HTR4: variants seen among roughly 807,000 people sequenced by gnomAD.
HTR4 encodes 5-hydroxytryptamine receptor 4.
A neutral mutation model predicts 36.8 loss-of-function variants in HTR4; 16 were observed. That is an observed-to-expected ratio of 0.43 (90% CI 0.29 to 0.66). HTR4 has a LOEUF of 0.66. Ranked by LOEUF, HTR4 falls within the 30% of genes least tolerant of loss-of-function variation. The pLI is 0.13. For missense variants in HTR4, 438 were observed against 490.9 expected, an observed-to-expected ratio of 0.89 and a Z score of 1.02; for synonymous variants, 189 against 185.1, an observed-to-expected ratio of 1.02 and a Z score of -0.17.
intron 2 of HTR4, among the ~76,000 whole-genome samples, chr5:148,626,756 T>A (rs1259336925): frequency 6.6e-6 from 1 of 152,134 alleles, no homozygotes; most frequent in Non-Finnish European, 1.5e-5. Flanking sequence ...TGGAGAGAGG[T>A]TTACCTTTTG....
chr5:148,646,486 A>G (rs976798079), intron 1 of HTR4: 3 of 152,240 alleles, frequency 2.0e-5, no homozygotes, highest in Non-Finnish European at 4.4e-5. Context: ...CTCAAAAGAC[A>G]TAGGCTATTT....
At chr5:148,595,498 C>T (rs573054640) in intron 2 of HTR4, among the ~76,000 whole-genome samples, 1 of 152,134 alleles carries the variant, frequency 6.6e-6, no homozygotes, top group Non-Finnish European at 1.5e-5. Context: ...GGACACAGGA[C>T]ACATCTACCC....
intron 5 of HTR4, among the ~76,000 whole-genome samples, chr5:148,519,747 CTT>C (rs1561592840): frequency 6.6e-6 from 1 of 152,116 alleles, no homozygotes; most frequent in Non-Finnish European, 1.5e-5. Context: ...GCTCTATCAT[CTT>C]GTTTCACTTC....
intron 5 of HTR4, among the ~76,000 whole-genome samples, chr5:148,457,451 A>G (rs985395052): frequency 6.6e-6 from 1 of 151,644 alleles, no homozygotes; most frequent in African/African-American, 2.4e-5. Flanking sequence ...CACTTAGAGC[A>G]GCCTGGATGT....
At chr5:148,478,486 G>T (rs951089044), downstream of HTR4, among the ~76,000 whole-genome samples, 1 of 152,160 alleles carries the variant, frequency 6.6e-6, no homozygotes, top group African/African-American at 2.4e-5. Flanking sequence ...ACGGGGAGGT[G>T]TGATTCTGAG....
intron 4 of HTR4, among the ~76,000 whole-genome samples, chr5:148,543,496 A>AT (rs1759222474): frequency 6.6e-6 from 1 of 152,198 alleles, no homozygotes; most frequent in Non-Finnish European, 1.5e-5. Context: ...TGGTAAAAAC[A>AT]TTACATTCAG....
chr5:148,629,923 G>A (rs1753262193), intron 2 of HTR4: 1 of 152,150 alleles, frequency 6.6e-6, no homozygotes, highest in African/African-American at 2.4e-5. Context: ...TTCAGGTTAT[G>A]TTTTCCAAAT....
intron 2 of HTR4, among the ~76,000 whole-genome samples, chr5:148,609,581 G>T (rs1419195008): frequency 7.7e-5 from 11 of 143,332 alleles, no homozygotes; most frequent in Admixed American, 1.4e-4. Context: ...ATTTTTAAGG[G>T]TTTTTTTTTT....
At chr5:148,624,811 A>T (rs934621556) in intron 2 of HTR4, among the ~76,000 whole-genome samples, 1 of 152,188 alleles carries the variant, frequency 6.6e-6, no homozygotes, top group African/African-American at 2.4e-5. Context: ...TGGGCCTTCA[A>T]TGATGTGGAG....
chr5:148,582,424 T>A (rs553237369), intron 2 of HTR4, among the ~76,000 whole-genome samples: 3 of 149,956 alleles, frequency 2.0e-5, no homozygotes, highest in Middle Eastern at 3.4e-3. Flanking sequence ...TACCCAATAG[T>A]TAGTTTTTCA....
intron 2 of HTR4, among the ~76,000 whole-genome samples, chr5:148,605,159 G>A (rs1349307003): frequency 6.6e-6 from 1 of 152,014 alleles, no homozygotes; most frequent in Non-Finnish European, 1.5e-5. Context: ...ACTGTGGCCG[G>A]GACATTCCCC....
chr5:148,466,036 A>C (rs1407677778), intron 5 of HTR4: 6 of 1,528,282 alleles, frequency 3.9e-6, no homozygotes, highest in Non-Finnish European at 5.3e-6. Flanking sequence ...TCTCAGCCTA[A>C]ATAAGCTTGC....
At chr5:148,490,740 T>A in intron 6 of HTR4, 1 of 1,272,226 alleles carries the variant, frequency 7.9e-7, no homozygotes, top group South Asian at 1.3e-5. Context: ...GGCAATCCAT[T>A]CCATTTTGTG....
intron 2 of HTR4, among the ~76,000 whole-genome samples, chr5:148,610,346 C>A (rs1371425777): frequency 6.6e-6 from 1 of 152,184 alleles, no homozygotes; most frequent in Non-Finnish European, 1.5e-5. Flanking sequence ...GGGCAGACTG[C>A]CTCCTCAAGT....
rs201533186 is a variant in HTR4, at chr5:148,483,281, C to T, written c.1089G>A (p.Glu363=). 3 of 1,613,450 alleles carry T rather than the reference C, an allele frequency of 1.9e-6. No individual in the cohort carries two copies. Among genetic ancestry groups the T allele is most frequent in the Admixed American group, 3.3e-5 (2 of 59,986 alleles). ...ACTGACTCTCCCACTGGCCACCACACTCCACTGCATCCCTAGAGAGAGGAG... is the reference window on the plus strand; with the variant it reads ...ACTGACTCTCCCACTGGCCACCACATTCCACTGCATCCCTAGAGAGAGGAG... ...GSTHVLRDAV[E]CGGQWESQCH... The change falls in exon 7 of 7, where the codon GAG becomes GAA. Residue 363 remains glutamate (E), a synonymous_variant. Transcript: ENST00000377888.
intron 5 of HTR4, among the ~76,000 whole-genome samples, chr5:148,516,606 C>A (rs932097020): frequency 6.6e-6 from 1 of 151,170 alleles, no homozygotes; most frequent in East Asian, 1.9e-4. Flanking sequence ...GCGTGAGCCA[C>A]CGCACCTGGC....
intron 4 of HTR4, among the ~76,000 whole-genome samples, chr5:148,525,088 G>C (rs918856379): frequency 6.6e-6 from 1 of 152,160 alleles, no homozygotes; most frequent in African/African-American, 2.4e-5. Context: ...ATGGGAGACT[G>C]TCTTGCTCCG....
intron 2 of HTR4, 34 bp from the exon 3 acceptor site, chr5:148,550,296 G>C: frequency 1.2e-6 from 2 of 1,609,912 alleles, no homozygotes; most frequent in Non-Finnish European, 1.7e-6. Context: ...AGAATTGAAT[G>C]AAACTCTGGG....
At chr5:148,483,398 A>G in intron 6 of HTR4, 105 bp from the exon 7 acceptor site, 1 of 973,212 alleles carries the variant, frequency 1.0e-6, no homozygotes, top group Non-Finnish European at 1.6e-6. Context: ...TGCCATGCAG[A>G]TGAGTAGCTA....
Sources: allele counts gnomAD v4.1 joint callset (sites outside exome capture counted in the v4.1 genomes callset), GRCh38; gene constraint gnomAD v4.1.1; transcripts MANE v1.5; gene names NCBI Gene and HGNC (gene_info 2026-07-23, HGNC 2026-07-21).